The following ART3 variants were observed in gnomAD, a reference collection of about 807,000 sequenced individuals.
ART3 encodes the protein ADP-ribosyltransferase 3 (inactive).
ART3 carries 49 observed loss-of-function variants against 48.5 expected under a neutral mutation model. That is an observed-to-expected ratio of 1.01 (90% confidence interval 0.80 to 1.28). The LOEUF is 1.28. Ranked by LOEUF, ART3 falls within the 50% of genes most tolerant of loss-of-function variation. The pLI is 0.00. For missense variants in ART3, 438 were observed against 454.3 expected, an observed-to-expected ratio of 0.96 and a Z score of 0.33; for synonymous variants, 145 against 157.2, an observed-to-expected ratio of 0.92 and a Z score of 0.58.
rs143266092 is a variant in ART3, at chr4:76,107,765, T to C, written c.1008T>C (p.Asp336=). The C allele has an allele frequency of 4.8e-5, 70 of 1,454,654 alleles. No homozygotes were observed. The African/African-American group carries it at 9.5e-4, about 20-fold the overall frequency. 90.1% of individuals were successfully genotyped at this position (1,454,654 alleles called of 1,614,324 possible). A position where few individuals can be genotyped will look rare whatever the true frequency, so the allele number is the denominator to read the frequency against. Residue 336 remains aspartate (D), a synonymous_variant, in exon 11 of 12, where the codon GAT becomes GAC. Transcript: ENST00000355810. ...KIPEPFPLPE[D]KSQGNINNPT... ...CAAAATCTCTTTATATTTTAGAAGATAAAAGTCAAGGAAATATCAACAATC... is the reference window on the plus strand; with the variant it reads ...CAAAATCTCTTTATATTTTAGAAGACAAAAGTCAAGGAAATATCAACAATC...
intron 1 of ART3, among the ~76,000 whole-genome samples, chr4:76,056,561 G>A (rs1718709122): frequency 6.6e-6 from 1 of 152,172 alleles, no homozygotes; most frequent in Non-Finnish European, 1.5e-5. Context: ...CAGCATTATA[G>A]TTTAATAGCA....
At chr4:76,052,576 T>A (rs553873956) in intron 1 of ART3, among the ~76,000 whole-genome samples, 1 of 152,286 alleles carries the variant, frequency 6.6e-6, no homozygotes, top group South Asian at 2.1e-4. Context: ...TGGTACCCAT[T>A]AAGTAGTTTC....
At chr4:76,081,577 C>A (rs1460106556) in intron 2 of ART3, among the ~76,000 whole-genome samples, 1 of 152,166 alleles carries the variant, frequency 6.6e-6, no homozygotes, top group Non-Finnish European at 1.5e-5. Flanking sequence ...GATAAATGAG[C>A]TACAGGCACA....
chr4:76,017,648 C>T (rs542248148), intron 1 of ART3, among the ~76,000 whole-genome samples: 26 of 152,312 alleles, frequency 1.7e-4, no homozygotes, highest in African/African-American at 6.0e-4. Flanking sequence ...TTCAGCACAG[C>T]ACTAGGACTG....
upstream of ART3, among the ~76,000 whole-genome samples, chr4:76,071,830 C>T (rs1406238818): frequency 6.6e-6 from 1 of 152,212 alleles, no homozygotes; most frequent in Non-Finnish European, 1.5e-5. Context: ...CCCTCTTTTT[C>T]TTGCAGCCCA....
At chr4:76,045,080 C>T (rs1735367506) in intron 1 of ART3, among the ~76,000 whole-genome samples, 1 of 152,052 alleles carries the variant, frequency 6.6e-6, no homozygotes, top group Admixed American at 6.6e-5. Flanking sequence ...GGCACTGGTC[C>T]CTGGGGGAAG....
intron 1 of ART3, chr4:76,021,794 G>A (rs1578205937): frequency 1.4e-5 from 12 of 831,160 alleles, no homozygotes; most frequent in South Asian, 6.0e-5. Context: ...GACCATCATT[G>A]GTCACCTTTT....
intron 1 of ART3, among the ~76,000 whole-genome samples, chr4:76,068,844 TG>T (rs1414201627): frequency 6.6e-6 from 1 of 152,168 alleles, no homozygotes; most frequent in Non-Finnish European, 1.5e-5. Flanking sequence ...GTATGGGTTT[TG>T]TTTTTGTTTT....
rs111437207 is a variant in ART3, at chr4:76,057,818, A to C, written c.-9-18063A>C. ...GTGCTATATATGCGCATAGTTTAAA[A>C]AGATTCAGTTATACTCTTCTGTGAA... is the stretch of plus-strand genomic sequence containing the variant. On this transcript the variant is annotated intron_variant, in intron 1 of 9. Coordinates refer to the ART3 transcript ENST00000341029. Among the ~76,000 whole-genome samples the C allele has an allele frequency of 5.9e-3, 906 of 152,334 alleles. 7 individuals are homozygous for C. The highest frequency in any genetic ancestry group is 0.051 in the Middle Eastern group (15 of 294).
At chr4:76,103,480 T>C (rs1387454203) in intron 8 of ART3, among the ~76,000 whole-genome samples, 2 of 152,194 alleles carry the variant, frequency 1.3e-5, no homozygotes, top group Non-Finnish European at 2.9e-5. Context: ...ACCAAGCACT[T>C]TTATGCAGTC....
chr4:76,087,604 A>C (rs907722508), intron 3 of ART3, among the ~76,000 whole-genome samples: 1 of 152,236 alleles, frequency 6.6e-6, no homozygotes, highest in Non-Finnish European at 1.5e-5. Flanking sequence ...AGTGTGCTAA[A>C]CATAGTCCCA....
At chr4:76,027,341 T>C (rs777746495) in intron 1 of ART3, among the ~76,000 whole-genome samples, 2 of 152,208 alleles carry the variant, frequency 1.3e-5, no homozygotes, top group African/African-American at 4.8e-5. Flanking sequence ...CATAGGAGAC[T>C]GTACTCATTA....
intron 1 of ART3, among the ~76,000 whole-genome samples, chr4:76,027,925 T>C (rs76860894): frequency 0.61 from 91,768 of 150,544 alleles, 28,994 homozygotes; most frequent in East Asian, 0.94. Context: ...AAATCTCAGA[T>C]AGACTAAGAT....
chr4:76,082,122 G>A lies in ART3; in HGVS notation c.368G>A (p.Gly123Asp), dbSNP rs1443051842. 7 of 1,614,170 alleles carry A rather than the reference G, an allele frequency of 4.3e-6. No homozygotes were observed. The highest frequency in any genetic ancestry group is 5.1e-6 in the Non-Finnish European group (6 of 1,180,032). ...TTCAGTGAAGCTGTGAAGATGGCTG[G>A]CCAATCTCGAGAAGATTATATCTAT... ...HLFSEAVKMAGQSREDYIYGF... is the reference protein window; with the variant it reads ...HLFSEAVKMADQSREDYIYGF... The change falls in exon 3 of 12, where the codon GGC becomes GAC. Residue 123 changes from glycine to aspartate, a missense_variant. Gly to Asp is a moderately conservative substitution (Grantham distance 94). Coordinates refer to ENST00000355810, the MANE Select transcript of ART3 (RefSeq NM_001130016.3).
intron 11 of ART3, among the ~76,000 whole-genome samples, chr4:76,109,310 C>T (rs1729040424): frequency 6.6e-6 from 1 of 151,744 alleles, no homozygotes; most frequent in African/African-American, 2.4e-5. Context: ...TAGCCTAGGC[C>T]TATACAGGGT....
chr4:76,029,182 A>G (rs1578233204), intron 1 of ART3, among the ~76,000 whole-genome samples: 1 of 152,348 alleles, frequency 6.6e-6, no homozygotes, highest in East Asian at 1.9e-4. Context: ...TTGAGATATG[A>G]TATAGTTCAG....
rs577571157 is a variant in ART3 at position 76,075,829 on chromosome 4, C to T, written c.-9-52C>T. 6.3e-6 allele frequency: 9 copies of T among 1,419,280 alleles called. No homozygotes were observed. In the South Asian group the frequency reaches 8.3e-5, roughly 13 times the overall value. 87.9% of individuals were successfully genotyped at this position (1,419,280 alleles called of 1,614,324 possible). ...CGCAGTGTCATCCTATTCTACTTCC[C>T]TACACCTCTTTTTTGAGTCTACTGA... On this transcript the variant is annotated intron_variant, in intron 1 of 11. Coordinates refer to ENST00000355810, the MANE Select transcript of ART3 (RefSeq NM_001130016.3).
At chr4:76,050,733 C>A (rs565418518) in intron 1 of ART3, among the ~76,000 whole-genome samples, 75 of 152,314 alleles carry the variant, frequency 4.9e-4, no homozygotes, top group Non-Finnish European at 9.1e-4. Flanking sequence ...GAGGCTCGGG[C>A]CACACAGGAG....
At chr4:76,110,005 A>G (rs1430695644) in intron 11 of ART3, among the ~76,000 whole-genome samples, 1 of 152,244 alleles carries the variant, frequency 6.6e-6, no homozygotes, top group Non-Finnish European at 1.5e-5. Flanking sequence ...TTAGGTCAGC[A>G]TGAAACAGTT....
Sources: gnomAD v4.1 joint callset for allele counts (sites outside exome capture counted in the v4.1 genomes callset) on GRCh38, gnomAD v4.1.1 for gene constraint, MANE v1.5 for transcripts, NCBI Gene and HGNC (gene_info 2026-07-23, HGNC 2026-07-21) for gene names.